Variants in ADAM28 observed in about 807,000 individuals in gnomAD.
ADAM28 encodes the protein disintegrin and metalloproteinase domain-containing protein 28.
In ADAM28, 105 loss-of-function variants were observed where a neutral mutation model predicts 101.2. That is an observed-to-expected ratio of 1.04 (90% CI 0.89 to 1.22). The LOEUF (loss-of-function observed/expected upper bound fraction) is 1.22, where lower values mean the gene tolerates loss of function less well. Among genes scored for constraint, ADAM28 ranks in the 50% most tolerant of loss-of-function variants. The pLI is 0.00. For synonymous variants in ADAM28, 322 were observed against 310.6 expected (o/e 1.04, Z -0.39); for missense variants, 1,028 against 945.4 (o/e 1.09, Z -1.15).
chr8:24,352,717 A>G (rs13249895), intron 21 of ADAM28, among the ~76,000 whole-genome samples: 73 of 152,294 alleles, frequency 4.8e-4, no homozygotes, highest in Admixed American at 7.9e-4. Context: ...CAACTAAATG[A>G]AAGCAATCAA....
intron 5 of ADAM28, among the ~76,000 whole-genome samples, chr8:24,312,194 T>G (rs184807384): frequency 2.0e-3 from 308 of 152,304 alleles, no homozygotes; most frequent in African/African-American, 7.1e-3. Flanking sequence ...CTTGATTATC[T>G]AATTTTCTTT....
intron 6 of ADAM28, among the ~76,000 whole-genome samples, chr8:24,316,175 T>C (rs1370547918): frequency 6.6e-6 from 1 of 151,904 alleles, no homozygotes. Flanking sequence ...TTTGTAAACA[T>C]TCTATAGCAG....
At chr8:24,331,458 G>A (rs1563306043) in intron 12 of ADAM28, 131 bp downstream of exon 12, 1 of 864,062 alleles carries the variant, frequency 1.2e-6, no homozygotes, top group Non-Finnish European at 1.7e-6. Flanking sequence ...CCATTTGTAG[G>A]TATTTTCCAG....
At chr8:24,310,368 C>G (rs1385983526) in intron 4 of ADAM28, 127 bp downstream of exon 4, 5 of 720,000 alleles carry the variant, frequency 6.9e-6, no homozygotes, top group Non-Finnish European at 1.1e-5. Context: ...CAGCAGTAGC[C>G]ATTACTTAAA....
intron 19 of ADAM28, among the ~76,000 whole-genome samples, chr8:24,350,677 G>A (rs1024427786): frequency 2.6e-5 from 4 of 152,110 alleles, no homozygotes; most frequent in Non-Finnish European, 5.9e-5. Flanking sequence ...AAGTGGTCAT[G>A]AGTTTCATTT....
rs1306640247 is a variant in ADAM28, at chr8:24,302,926, C to G, written c.150+2849C>G. Among the ~76,000 whole-genome samples, 4 of 122,476 alleles carry G rather than the reference C, an allele frequency of 3.3e-5. No homozygotes were observed. In the South Asian group the frequency reaches 9.5e-4, roughly 29 times the overall value. 80.3% of individuals were successfully genotyped at this position (122,476 alleles called of 152,430 possible). A position where few individuals can be genotyped will look rare whatever the true frequency, so the allele number is the denominator to read the frequency against. ...TAATGCTATCCCTCCCCCCTCCCCC[C>G]TCCCCACAACAAGCCACAGTGTGTG... On this transcript the variant is annotated intron_variant, in intron 2 of 22. Coordinates refer to ENST00000265769, the MANE Select transcript of ADAM28 (RefSeq NM_014265.6).
intron 20 of ADAM28, 48 bp from the exon 21 acceptor site, chr8:24,351,939 G>A: frequency 1.3e-6 from 2 of 1,593,370 alleles, no homozygotes; most frequent in South Asian, 2.2e-5. Context: ...TAAAAACTGT[G>A]CTTATGAAAC....
At chr8:24,347,143 C>G (rs1042234438) in intron 18 of ADAM28, 2 of 151,984 alleles carry the variant, frequency 1.3e-5, no homozygotes, top group Non-Finnish European at 2.9e-5. Flanking sequence ...TTTCAAGTTT[C>G]TAAGAATTCT....
At chr8:24,299,329 TTC>T (rs1299183387) in intron 1 of ADAM28, among the ~76,000 whole-genome samples, 20 of 152,220 alleles carry the variant, frequency 1.3e-4, no homozygotes, top group African/African-American at 4.8e-4. Flanking sequence ...AGGCCAGTGA[TTC>T]TGTTTGAATT....
chr8:24,314,341 A>G (rs1810876754), intron 6 of ADAM28, among the ~76,000 whole-genome samples: 9 of 152,178 alleles, frequency 5.9e-5, no homozygotes, highest in Admixed American at 5.9e-4. Context: ...TAGACATAGA[A>G]TCTGGCTACA....
intron 14 of ADAM28, chr8:24,336,233 T>C: frequency 5.5e-6 from 5 of 914,878 alleles, no homozygotes; most frequent in Non-Finnish European, 6.5e-6. Context: ...CCAAGAAAAC[T>C]TGAAAAATAA....
At chr8:24,326,257 A>G (rs10102116) in intron 9 of ADAM28, among the ~76,000 whole-genome samples, 29,185 of 151,894 alleles carry the variant, frequency 0.19, 3,036 homozygotes, top group East Asian at 0.34. Context: ...ATGTTTATTA[A>G]GACCAAAAAT....
intron 11 of ADAM28, 136 bp from the exon 12 acceptor site, chr8:24,331,014 C>T (rs954853033): frequency 2.7e-5 from 21 of 781,892 alleles, no homozygotes; most frequent in Admixed American, 2.1e-4. Flanking sequence ...AATGAGCTCA[C>T]GATCTGGCAG....
At position 24,336,599 on chromosome 8, in the gene ADAM28, AG is replaced by A. The variant is rs747646986; in HGVS notation, c.1567+959del. On this transcript the variant is annotated intron_variant, in intron 14 of 22. Transcript: ENST00000265769. Reference sequence around the variant, plus strand: ...CGTCTCCAAAAAAAAAAAAAAAAAAAGAAAAAAAAAGAAAAATAACTTTATT... The same window carrying A: ...CGTCTCCAAAAAAAAAAAAAAAAAAAAAAAAAAAAGAAAAATAACTTTATT... Among the ~76,000 whole-genome samples the A allele has an allele frequency of 3.2e-3, 467 of 144,834 alleles. 2 individuals carry two copies. Among genetic ancestry groups the A allele is most frequent in the African/African-American group, 0.012 (449 of 36,988 alleles).
rs1283258983 is a variant in ADAM28, at chr8:24,358,096, A to G, written c.*3692A>G. On this transcript the variant is annotated 3_prime_UTR_variant, in exon 23 of 23. Transcript: ENST00000265769. ...AAAGGCTAACCAATTAACTGTTTTT[A>G]ACTTATATTTCCAGATATTTTAAAA... The G allele has an allele frequency of 8.1e-5, 6 of 74,486 alleles. No individual in the cohort carries two copies. The highest frequency in any genetic ancestry group is 1.8e-4 in the Admixed American group (1 of 5,470). 4.6% of individuals were successfully genotyped at this position (74,486 alleles called of 1,614,324 possible). A position where few individuals can be genotyped will look rare whatever the true frequency, so the allele number is the denominator to read the frequency against.
rs1298787769 is a variant in ADAM28, at chr8:24,321,221, A to G, written c.652A>G (p.Lys218Glu). The G allele has an allele frequency of 3.1e-6, 5 of 1,595,726 alleles. No individual in the cohort carries two copies. The African/African-American group carries it at 6.7e-5, about 21-fold the overall frequency. ...YYLVLDNGEF[K>E]RYNENQDEIR... ...TCTTTCTTAATTTTTCTTTTAGTTT[A>G]AAAGGTACAATGAGAATCAAGATGA... The change falls in exon 8 of 23, where the codon AAA (lysine) becomes GAA (glutamate). Residue 218 changes from lysine (K) to glutamate (E), a missense_variant. Coordinates refer to ENST00000265769, the MANE Select transcript of ADAM28 (RefSeq NM_014265.6).
chr8:24,295,115 T>G lies in ADAM28; in HGVS notation c.46+920T>G, dbSNP rs180993682. On this transcript the variant is annotated intron_variant, in intron 1 of 22. Coordinates refer to ENST00000265769, the MANE Select transcript of ADAM28 (RefSeq NM_014265.6). The stretch of plus-strand genomic sequence containing the variant: ...GTCCATGCACCCTCTTAGTACTTTG[T>G]TGCTAAAAATGATTTTCCTGTGTCT... 2.5e-4 allele frequency among the ~76,000 whole-genome samples: 38 copies of G among 152,336 alleles called. 1 individual carries two copies. In the East Asian group the frequency reaches 7.1e-3, roughly 29 times the overall value.
intron 9 of ADAM28, 94 bp downstream of exon 9, chr8:24,324,097 G>A (rs1232249221): frequency 5.4e-6 from 6 of 1,118,582 alleles, no homozygotes; most frequent in Non-Finnish European, 7.5e-6. Flanking sequence ...TAGAGGGGTA[G>A]ACATTTATAG....
In ADAM28 at chr8:24,299,961, T is replaced by C. The variant is rs1438276803; in HGVS notation, c.47-13T>C. On this transcript the variant is annotated splice_polypyrimidine_tract_variant and intron_variant, in intron 1 of 22. Transcript: ENST00000265769. ...TCTACCTGGATAAGTCTTTTCTTTT[T>C]CTTTTTTCTCAGTAAGTGCTATAAA... 1.9e-6 allele frequency: 3 copies of C among 1,600,700 alleles called. No individual in the cohort carries two copies. Among genetic ancestry groups the C allele is most frequent in the South Asian group, 2.2e-5 (2 of 89,624 alleles).
Sources: gnomAD v4.1 joint callset for allele counts (sites outside exome capture counted in the v4.1 genomes callset) on GRCh38, gnomAD v4.1.1 for gene constraint, MANE v1.5 for transcripts, NCBI Gene and HGNC (gene_info 2026-07-23, HGNC 2026-07-21) for gene names.